The following CYB5RL variants were observed in gnomAD, a reference collection of about 807,000 sequenced individuals.
CYB5RL encodes cytochrome b5 reductase like.
A neutral mutation model predicts 37.5 loss-of-function variants in CYB5RL; 38 were observed. That is an observed-to-expected ratio of 1.01 (90% CI 0.78 to 1.33). The LOEUF (loss-of-function observed/expected upper bound fraction) is 1.33. CYB5RL is among the 40% of genes most tolerant of loss of function. The probability of loss-of-function intolerance (pLI) is 0.00; values close to 1 mark genes in which losing one functional copy is unlikely to be tolerated. For synonymous variants in CYB5RL, 141 were observed against 151.9 expected (o/e 0.93, Z 0.53); for missense variants, 388 against 394.4 (o/e 0.98, Z 0.14).
At chr1:54,196,029 T>C (rs1048994921) in intron 2 of CYB5RL, among the ~76,000 whole-genome samples, 3 of 152,228 alleles carry the variant, frequency 2.0e-5, no homozygotes, top group Non-Finnish European at 2.9e-5. Flanking sequence ...GGGTGTCTTA[T>C]TCCTTTTGTA....
chr1:54,196,807 T>C (rs951612418), intron 1 of CYB5RL, among the ~76,000 whole-genome samples: 2 of 152,204 alleles, frequency 1.3e-5, no homozygotes, highest in Non-Finnish European at 2.9e-5. Flanking sequence ...TTTCAAAACA[T>C]ATCGTTCTTC....
In CYB5RL at chr1:54,172,887, T is replaced by G. The variant is rs780071857; in HGVS notation, c.*1732A>C. The G allele has an allele frequency of 6.6e-6, 1 of 152,222 alleles. No individual in the cohort carries two copies. The highest frequency in any genetic ancestry group is 1.5e-5 in the Non-Finnish European group (1 of 68,048). 9.4% of individuals were successfully genotyped at this position (152,222 alleles called of 1,614,324 possible). On this transcript the variant is annotated 3_prime_UTR_variant, in exon 8 of 8. Transcript: ENST00000534324. ...TCACATACTAGGCAGGAAGAGATCA[T>G]GGTTCCTGCTCAGAATCTTTGACTC... is the stretch of plus-strand genomic sequence containing the variant.
intron 6 of CYB5RL, 64 bp downstream of exon 6, chr1:54,184,097 G>T: frequency 7.0e-7 from 1 of 1,432,374 alleles, no homozygotes; most frequent in Non-Finnish European, 9.6e-7. Flanking sequence ...GAGATGCTAT[G>T]GGCCGAAACA....
Position 54,169,673 on chromosome 1 carries a change from T to C in CYB5RL, c.*4946A>G, listed in dbSNP as rs1659848823. The C allele has an allele frequency of 6.6e-6, 1 of 152,224 alleles. No individual in the cohort carries two copies. The highest frequency in any genetic ancestry group is 2.4e-5 in the African/African-American group (1 of 41,470). The allele number at this position is 152,224 out of a possible 1,614,324, so 9.4% of individuals were successfully genotyped here. ...GGATTTTTTTTTAAATGTTTAATTA[T>C]GGAACTATTTGAAAAACAGAAAAAG... On this transcript the variant is annotated 3_prime_UTR_variant, in exon 8 of 8. Transcript: ENST00000534324.
At chr1:54,194,814 C>G (rs1330298340) in intron 3 of CYB5RL, among the ~76,000 whole-genome samples, 1 of 152,210 alleles carries the variant, frequency 6.6e-6, no homozygotes, top group Non-Finnish European at 1.5e-5. Context: ...TGCACAGTGT[C>G]AGAAGGAATA....
In CYB5RL at chr1:54,171,693, TCTC is replaced by T; in HGVS notation, c.*2923_*2925del. The T allele has an allele frequency of 2.9e-6, 1 of 339,162 alleles. No homozygotes were observed. Among genetic ancestry groups the T allele is most frequent in the Non-Finnish European group, 5.8e-6 (1 of 171,022 alleles). The allele number at this position is 339,162 out of a possible 1,614,324, so 21.0% of individuals were successfully genotyped here. A position where few individuals can be genotyped will look rare whatever the true frequency, so the allele number is the denominator to read the frequency against. ...TCATGTCTAGCTCCTAAGTCTCCCTTCTCCTACTACAACATCACACGGTGGCCA... is the reference window on the plus strand; with the variant it reads ...TCATGTCTAGCTCCTAAGTCTCCCTTCTACTACAACATCACACGGTGGCCA... On this transcript the variant is annotated 3_prime_UTR_variant, in exon 8 of 8. Coordinates refer to ENST00000534324, the MANE Select transcript of CYB5RL (RefSeq NM_001031672.4).
intron 7 of CYB5RL, chr1:54,175,785 G>C (rs562652702): frequency 1.1e-5 from 3 of 270,494 alleles, no homozygotes; most frequent in Admixed American, 3.9e-5. Context: ...TTATAATTTA[G>C]AGATAATTTA....
At chr1:54,179,703 G>A (rs1481634735) in intron 6 of CYB5RL, among the ~76,000 whole-genome samples, 4 of 152,144 alleles carry the variant, frequency 2.6e-5, no homozygotes, top group African/African-American at 9.7e-5. Flanking sequence ...TTGCTCTACT[G>A]TAGGCCAAAT....
intron 6 of CYB5RL, 37 bp downstream of exon 6, chr1:54,184,124 C>T: frequency 6.3e-7 from 1 of 1,576,118 alleles, no homozygotes; most frequent in Non-Finnish European, 8.7e-7. Context: ...CCACAGTCAA[C>T]AGGGATCTCC....
Position 54,184,153 on chromosome 1 carries a change from G to C in CYB5RL, c.540+8C>G, listed in dbSNP as rs762047785. On this transcript the variant is annotated splice_region_variant and intron_variant, in intron 6 of 7. Transcript: ENST00000534324. ...GATCTCCTGAAGATTTAAGGTGCTG[G>C]CACTGACCTGGTTTGGTTTATAGAA... is the stretch of plus-strand genomic sequence containing the variant. 2.5e-6 allele frequency: 4 copies of C among 1,610,568 alleles called. No individual in the cohort carries two copies. The highest frequency in any genetic ancestry group is 2.2e-5 in the East Asian group (1 of 44,796).
Position 54,171,568 on chromosome 1 carries a change from T to C in CYB5RL, c.*3051A>G. 1 of 386,724 alleles carries C rather than the reference T, an allele frequency of 2.6e-6. No individual in the cohort carries two copies. The highest frequency in any genetic ancestry group is 2.9e-5 in the Admixed American group (1 of 34,032). The allele number at this position is 386,724 out of a possible 1,614,324, so 24.0% of individuals were successfully genotyped here. On this transcript the variant is annotated 3_prime_UTR_variant, in exon 8 of 8. Transcript: ENST00000534324. ...AAGAATCTGTCCTCAGGCCCTCTAG[T>C]AGCTGTTGCCTTCCTGAAGCTTGGG...
At chr1:54,192,412 T>C (rs2100480918) in intron 3 of CYB5RL, among the ~76,000 whole-genome samples, 1 of 152,240 alleles carries the variant, frequency 6.6e-6, no homozygotes, top group South Asian at 2.1e-4. Context: ...CTTGAACTCC[T>C]GACCTCAGGT....
chr1:54,181,549 C>T (rs1166900160), intron 6 of CYB5RL, among the ~76,000 whole-genome samples: 2 of 152,248 alleles, frequency 1.3e-5, no homozygotes, highest in African/African-American at 4.8e-5. Context: ...GCTTCCCAGA[C>T]ATCCTCGTGT....
At chr1:54,188,161 A>G (rs1643919575) in intron 4 of CYB5RL, among the ~76,000 whole-genome samples, 1 of 152,308 alleles carries the variant, frequency 6.6e-6, no homozygotes, top group East Asian at 1.9e-4. Context: ...GAGGCAGGCA[A>G]GATGCAACAG....
At chr1:54,189,458 G>C (rs1643930923) in intron 4 of CYB5RL, among the ~76,000 whole-genome samples, 1 of 152,198 alleles carries the variant, frequency 6.6e-6, no homozygotes, top group Non-Finnish European at 1.5e-5. Context: ...GACCAGGGCA[G>C]GGGTGGGTTG....
Position 54,174,623 on chromosome 1 carries a change from A to C in CYB5RL, c.944T>G (p.Phe315Cys). 1.9e-6 allele frequency: 3 copies of C among 1,607,474 alleles called. No homozygotes were observed. The highest frequency in any genetic ancestry group is 1.8e-4 in the Middle Eastern group (1 of 5,670). ...GCTTTGGAAGAGAGGCCAGGGCTAG[A>C]AGAGGAAATAGGAGTCCTCAGTGAG... ...AGLTEDSYFL[F>C] The change falls in exon 8 of 8, where the codon TTC becomes TGC. Residue 315 changes from phenylalanine (F) to cysteine (C), a missense_variant. Physicochemically the swap from Phe to Cys is radical, Grantham distance 205. Coordinates refer to ENST00000534324, the MANE Select transcript of CYB5RL (RefSeq NM_001031672.4).
chr1:54,187,758 C>T lies in CYB5RL; in HGVS notation c.348-19G>A, dbSNP rs1407390668. On this transcript the variant is annotated intron_variant, in intron 4 of 7. Coordinates refer to ENST00000534324, the MANE Select transcript of CYB5RL (RefSeq NM_001031672.4). The stretch of plus-strand genomic sequence containing the variant: ...TATCCCTCTGAGAAACAGAAGTGTG[C>T]AGTCAGTCAGCCAGTCATTCAGCAA... The T allele has an allele frequency of 1.9e-6, 3 of 1,605,288 alleles. No homozygotes were observed. In the African/African-American group the frequency reaches 4.0e-5, roughly 21 times the overall value.
rs1389387996 is a variant in CYB5RL at position 54,171,346 on chromosome 1, C to A, written c.*3273G>T. The A allele has an allele frequency of 2.2e-6, 1 of 456,326 alleles. No homozygotes were observed. Among genetic ancestry groups the A allele is most frequent in the South Asian group, 1.5e-5 (1 of 64,550 alleles). The allele number at this position is 456,326 out of a possible 1,614,324, so 28.3% of individuals were successfully genotyped here. On this transcript the variant is annotated 3_prime_UTR_variant, in exon 8 of 8. Transcript: ENST00000534324. ...GGTGGCAGAGCAGAGAGGCCCTACC[C>A]CAAGGCCACAGGGAGACAGGGAAGG...
chr1:54,189,422 G>A (rs1643930569), intron 4 of CYB5RL, among the ~76,000 whole-genome samples: 1 of 152,144 alleles, frequency 6.6e-6, no homozygotes, highest in African/African-American at 2.4e-5. Flanking sequence ...AGGGTGGTGG[G>A]AATGGGGCGT....
Sources: allele counts gnomAD v4.1 joint callset (sites outside exome capture counted in the v4.1 genomes callset), GRCh38; gene constraint gnomAD v4.1.1; transcripts MANE v1.5; gene names NCBI Gene and HGNC (gene_info 2026-07-23, HGNC 2026-07-21).